The following TSPYL5 variants were observed in gnomAD, a reference collection of about 807,000 sequenced individuals.
TSPYL5 encodes the protein testis-specific Y-encoded-like protein 5.
For synonymous variants in TSPYL5, 276 were observed against 236.1 expected (o/e 1.17, Z -1.55); for missense variants, 556 against 555.5 (o/e 1.00, Z -0.01).
rs1810536515 is a variant in TSPYL5, at chr8:97,277,182, C to T, written c.663G>A (p.Arg221=). 6.2e-7 allele frequency: 1 copy of T among 1,612,154 alleles called. No homozygotes were observed. Among genetic ancestry groups the T allele is most frequent in the Admixed American group, 1.7e-5 (1 of 60,006 alleles). Residue 221 remains arginine, a synonymous_variant, in exon 1 of 1, where the codon AGG becomes AGA. Coordinates refer to ENST00000322128, the MANE Select transcript of TSPYL5 (RefSeq NM_033512.3). The surrounding 1 kb of genome is among the most constrained non-coding windows in gnomAD (Gnocchi z 4.5). ...ACTTCCTGGAGAGCCGAAGGTAGGC[C>T]CTGTCCGCCTGGGCGTTCATGTTCT... ...KLENMNAQAD[R]AYLRLSRKFG...
chr8:97,274,393 A>T lies in TSPYL5; in HGVS notation c.*2198T>A, dbSNP rs1327068330. On this transcript the variant is annotated 3_prime_UTR_variant, in exon 1 of 1. Coordinates refer to ENST00000322128, the MANE Select transcript of TSPYL5 (RefSeq NM_033512.3). ...AACAAAAAAATAAAGCATCCAAAGT[A>T]ACATTATTCCGTTTCTGGTTTGTCT... 6.6e-6 allele frequency: 1 copy of T among 152,212 alleles called. No individual in the cohort carries two copies. The highest frequency in any genetic ancestry group is 2.4e-5 in the African/African-American group (1 of 41,456). The allele number at this position is 152,212 out of a possible 1,614,324, so 9.4% of individuals were successfully genotyped here. A position where few individuals can be genotyped will look rare whatever the true frequency, so the allele number is the denominator to read the frequency against.
rs2130736475 is a variant in TSPYL5, at chr8:97,276,859, T to C, written c.986A>G (p.Gln329Arg). 6.2e-7 allele frequency: 1 copy of C among 1,614,180 alleles called. No homozygotes were observed. Among genetic ancestry groups the C allele is most frequent in the Non-Finnish European group, 8.5e-7 (1 of 1,180,034 alleles). ...GQVVSRSTPIQWLPGHDLQSL... is the reference protein window; with the variant it reads ...GQVVSRSTPIRWLPGHDLQSL... ...CTGGAGATCATGCCCTGGGAGCCAC[T>C]GGATTGGAGTAGAACGAGACACCAC... Residue 329 changes from glutamine to arginine, a missense_variant, in exon 1 of 1, where the codon CAG (glutamine) becomes CGG (arginine). Coordinates refer to ENST00000322128, the MANE Select transcript of TSPYL5 (RefSeq NM_033512.3).
rs1246989300 is a variant in TSPYL5, at chr8:97,274,861, T to C, written c.*1730A>G. 1 of 152,274 alleles carries C rather than the reference T, an allele frequency of 6.6e-6. No homozygotes were observed. Among genetic ancestry groups the C allele is most frequent in the African/African-American group, 2.4e-5 (1 of 41,426 alleles). 9.4% of individuals were successfully genotyped at this position (152,274 alleles called of 1,614,324 possible). On this transcript the variant is annotated 3_prime_UTR_variant, in exon 1 of 1. Coordinates refer to ENST00000322128, the MANE Select transcript of TSPYL5 (RefSeq NM_033512.3). ...AAATAACCCGGAGATCCAAAACAGATTCTGCCCATCCCAATCCCCATCCCC... is the reference window on the plus strand; with the variant it reads ...AAATAACCCGGAGATCCAAAACAGACTCTGCCCATCCCAATCCCCATCCCC...
chr8:97,276,475 C>T lies in TSPYL5; in HGVS notation c.*116G>A, dbSNP rs1810516625. 1 of 1,312,880 alleles carries T rather than the reference C, an allele frequency of 7.6e-7. No homozygotes were observed. The highest frequency in any genetic ancestry group is 1.1e-6 in the Non-Finnish European group (1 of 949,874). The allele number at this position is 1,312,880 out of a possible 1,614,324, so 81.3% of individuals were successfully genotyped here. On this transcript the variant is annotated 3_prime_UTR_variant, in exon 1 of 1. Coordinates refer to ENST00000322128, the MANE Select transcript of TSPYL5 (RefSeq NM_033512.3). ...GATCATAAATGCCATATTCTTGTAA[C>T]TAAAGTCCAAAGGGTCTATAGTACA...
Position 97,274,591 on chromosome 8 carries a change from C to T in TSPYL5, c.*2000G>A, listed in dbSNP as rs2130734275. On this transcript the variant is annotated 3_prime_UTR_variant, in exon 1 of 1. Coordinates refer to ENST00000322128, the MANE Select transcript of TSPYL5 (RefSeq NM_033512.3). The stretch of plus-strand genomic sequence containing the variant: ...ATGCTCCCCCTGCGGCTTCTCAAGC[C>T]ATTTCTGTCTGATTTTGCAGGCCCA... 6.6e-6 allele frequency: 1 copy of T among 151,086 alleles called. No homozygotes were observed. The highest frequency in any genetic ancestry group is 6.6e-5 in the Admixed American group (1 of 15,136). 9.4% of individuals were successfully genotyped at this position (151,086 alleles called of 1,614,324 possible). A position where few individuals can be genotyped will look rare whatever the true frequency, so the allele number is the denominator to read the frequency against.
Position 97,277,605 on chromosome 8 carries a change from C to A in TSPYL5, c.240G>T (p.Arg80=). 2.1e-6 allele frequency: 3 copies of A among 1,431,340 alleles called. No individual in the cohort carries two copies. The highest frequency in any genetic ancestry group is 9.1e-7 in the Non-Finnish European group (1 of 1,094,522). 88.7% of individuals were successfully genotyped at this position (1,431,340 alleles called of 1,614,324 possible). A position where few individuals can be genotyped will look rare whatever the true frequency, so the allele number is the denominator to read the frequency against. ...GCGCGAGGCCACAGTCCAGGGGGAG[C>A]CGGCAGGCGGCCTCCTCCCCGAGCC... ...LLRLGEEAAC[R]LPLDCGLALR... Residue 80 remains arginine, a synonymous_variant, in exon 1 of 1, where the codon CGG becomes CGT. Coordinates refer to ENST00000322128, the MANE Select transcript of TSPYL5 (RefSeq NM_033512.3). This position sits in a 1 kb window ranked among gnomAD's most constrained non-coding sequence, Gnocchi z 4.5.
In TSPYL5 at chr8:97,277,358, T is replaced by G; in HGVS notation, c.487A>C (p.Ile163Leu). 1 of 1,607,440 alleles carries G rather than the reference T, an allele frequency of 6.2e-7. No homozygotes were observed. ...CSTAGRGPQV[I>L]AGGRQKKGAA... is the part of the protein sequence containing the mutation. ...CCTTTCTTCTGCCTCCCACCAGCTA[T>G]GACCTGAGGCCCCCTCCCCGCGGTG... Residue 163 changes from isoleucine (I) to leucine (L), a missense_variant, in exon 1 of 1, where the codon ATA (isoleucine) becomes CTA (leucine). By Grantham distance (5) the Ile-to-Leu change is conservative. Transcript: ENST00000322128. The surrounding 1 kb of genome is among the most constrained non-coding windows in gnomAD (Gnocchi z 4.5).
At position 97,276,551 on chromosome 8, in the gene TSPYL5, G is replaced by C. The variant is rs1332724704; in HGVS notation, c.*40C>G. 1.3e-6 allele frequency: 2 copies of C among 1,584,918 alleles called. No homozygotes were observed. The highest frequency in any genetic ancestry group is 1.7e-6 in the Non-Finnish European group (2 of 1,166,868). On this transcript the variant is annotated 3_prime_UTR_variant, in exon 1 of 1. Coordinates refer to ENST00000322128, the MANE Select transcript of TSPYL5 (RefSeq NM_033512.3). ...GAGAGCCAAATATGTAGTCAACCAG[G>C]AGCAGCCCAGCAGGAGGTAGCAGGG... is the stretch of plus-strand genomic sequence containing the variant.
Position 97,275,303 on chromosome 8 carries a change from T to C in TSPYL5, c.*1288A>G, listed in dbSNP as rs1339451809. The C allele has an allele frequency of 6.6e-6, 1 of 151,938 alleles. No individual in the cohort carries two copies. Among genetic ancestry groups the C allele is most frequent in the Non-Finnish European group, 1.5e-5 (1 of 68,020 alleles). The allele number at this position is 151,938 out of a possible 1,614,324, so 9.4% of individuals were successfully genotyped here. On this transcript the variant is annotated 3_prime_UTR_variant, in exon 1 of 1. Coordinates refer to ENST00000322128, the MANE Select transcript of TSPYL5 (RefSeq NM_033512.3). ...TCTCAGCTACCTCCCCAGCTGTATG[T>C]AGAAAAATGTGGTTTTTCAGTTGTT...
At position 97,274,095 on chromosome 8, in the gene TSPYL5, G is replaced by A. The variant is rs560287651; in HGVS notation, c.*2496C>T. 6.6e-6 allele frequency: 1 copy of A among 152,116 alleles called. No individual in the cohort carries two copies. Among genetic ancestry groups the A allele is most frequent in the South Asian group, 2.1e-4 (1 of 4,826 alleles). The allele number at this position is 152,116 out of a possible 1,614,324, so 9.4% of individuals were successfully genotyped here. ...TCAATAAACAATACAGGTGAAAAGA[G>A]AGAGATACAGATGAAACCAGGTTGA... On this transcript the variant is annotated 3_prime_UTR_variant, in exon 1 of 1. Coordinates refer to ENST00000322128, the MANE Select transcript of TSPYL5 (RefSeq NM_033512.3).
Position 97,277,400 on chromosome 8 carries a change from C to T in TSPYL5, c.445G>A (p.Ala149Thr). The change falls in exon 1 of 1, where the codon GCC becomes ACC. Residue 149 changes from alanine to threonine, a missense_variant. Ala to Thr is a moderately conservative substitution (Grantham distance 58, BLOSUM62 0). Transcript: ENST00000322128. This position sits in a 1 kb window ranked among gnomAD's most constrained non-coding sequence, Gnocchi z 4.5. ...GNRRGPAGKK[A>T]PETCSTAGRG... ...CCCGCGGTGCTACAGGTTTCTGGGG[C>T]CTTCTTCCCGGCAGGGCCACGCCGG... 6.3e-7 allele frequency: 1 copy of T among 1,582,156 alleles called. No homozygotes were observed. Among genetic ancestry groups the T allele is most frequent in the Non-Finnish European group, 8.6e-7 (1 of 1,166,192 alleles).
Position 97,277,923 on chromosome 8 carries a change from G to A in TSPYL5, c.-79C>T, listed in dbSNP as rs1267815551. ...CCAGCTCTCGGTCGGGACCGAGCGGGTCTCTCCACGGCAACCGCCGACGTC... is the reference window on the plus strand; with the variant it reads ...CCAGCTCTCGGTCGGGACCGAGCGGATCTCTCCACGGCAACCGCCGACGTC... On this transcript the variant is annotated 5_prime_UTR_variant, in exon 1 of 1. Coordinates refer to ENST00000322128, the MANE Select transcript of TSPYL5 (RefSeq NM_033512.3). This position sits in a 1 kb window ranked among gnomAD's most constrained non-coding sequence, Gnocchi z 4.5. 17 of 1,293,104 alleles carry A rather than the reference G, an allele frequency of 1.3e-5. No homozygotes were observed. Among genetic ancestry groups the A allele is most frequent in the South Asian group, 6.9e-5 (3 of 43,300 alleles). 80.1% of individuals were successfully genotyped at this position (1,293,104 alleles called of 1,614,324 possible).
rs779061073 is a variant in TSPYL5 at position 97,274,619 on chromosome 8, C to T, written c.*1972G>A. On this transcript the variant is annotated 3_prime_UTR_variant, in exon 1 of 1. Coordinates refer to ENST00000322128, the MANE Select transcript of TSPYL5 (RefSeq NM_033512.3). ...TTCTGTCTGATTTTGCAGGCCCACT[C>T]CATACCAGTATCATGCCTACTCGAC... is the stretch of plus-strand genomic sequence containing the variant. The T allele has an allele frequency of 1.3e-5, 2 of 152,248 alleles. No homozygotes were observed. Among genetic ancestry groups the T allele is most frequent in the Non-Finnish European group, 2.9e-5 (2 of 68,098 alleles). The allele number at this position is 152,248 out of a possible 1,614,324, so 9.4% of individuals were successfully genotyped here.
chr8:97,276,387 G>A lies in TSPYL5; in HGVS notation c.*204C>T. The A allele has an allele frequency of 1.5e-6, 1 of 653,316 alleles. No homozygotes were observed. The highest frequency in any genetic ancestry group is 2.7e-6 in the Non-Finnish European group (1 of 375,340). The allele number at this position is 653,316 out of a possible 1,614,324, so 40.5% of individuals were successfully genotyped here. On this transcript the variant is annotated 3_prime_UTR_variant, in exon 1 of 1. Transcript: ENST00000322128. ...TGCTTAACATATGAACAGTCCGGGT[G>A]CGATCACATAACATGTGACACTAAC...
In TSPYL5 at chr8:97,273,745, C is replaced by T. The variant is rs1258606998; in HGVS notation, c.*2846G>A. On this transcript the variant is annotated 3_prime_UTR_variant, in exon 1 of 1. Transcript: ENST00000322128. The stretch of plus-strand genomic sequence containing the variant: ...TGGTCACACAAGTTTCCATGTTACA[C>T]AGAAAAAAAGATTGACATTCTGGTG... The T allele has an allele frequency of 6.6e-6, 1 of 152,504 alleles. No homozygotes were observed. Among genetic ancestry groups the T allele is most frequent in the African/African-American group, 2.4e-5 (1 of 41,420 alleles). 9.4% of individuals were successfully genotyped at this position (152,504 alleles called of 1,614,324 possible).
rs1810492603 is a variant in TSPYL5 at position 97,275,100 on chromosome 8, T to C, written c.*1491A>G. 6.6e-6 allele frequency: 1 copy of C among 152,252 alleles called. No individual in the cohort carries two copies. The highest frequency in any genetic ancestry group is 6.5e-5 in the Admixed American group (1 of 15,284). The allele number at this position is 152,252 out of a possible 1,614,324, so 9.4% of individuals were successfully genotyped here. ...GTCAAAACAAGAGTAAACACTAGTC[T>C]ATGACATGGCTGCCTTGGGGTTTAT... On this transcript the variant is annotated 3_prime_UTR_variant, in exon 1 of 1. Transcript: ENST00000322128.
chr8:97,277,857 G>C lies in TSPYL5; in HGVS notation c.-13C>G. ...TTCGGCCGCTCATGGTGGCGGCGGA[G>C]GCAGCTTCAAAGACACGCTGTGACC... On this transcript the variant is annotated 5_prime_UTR_variant, in exon 1 of 1. Transcript: ENST00000322128. The surrounding 1 kb of genome is among the most constrained non-coding windows in gnomAD (Gnocchi z 4.5). 7.0e-7 allele frequency: 1 copy of C among 1,428,686 alleles called. No homozygotes were observed. The highest frequency in any genetic ancestry group is 9.1e-7 in the Non-Finnish European group (1 of 1,094,364). The allele number at this position is 1,428,686 out of a possible 1,614,324, so 88.5% of individuals were successfully genotyped here.
rs1461277884 is a variant in TSPYL5, at chr8:97,277,910, C to T, written c.-66G>A. Reference sequence around the variant, plus strand: ...GCGGCTCCTGACGCCAGCTCTCGGTCGGGACCGAGCGGGTCTCTCCACGGC... The same window carrying T: ...GCGGCTCCTGACGCCAGCTCTCGGTTGGGACCGAGCGGGTCTCTCCACGGC... On this transcript the variant is annotated 5_prime_UTR_variant, in exon 1 of 1. Coordinates refer to ENST00000322128, the MANE Select transcript of TSPYL5 (RefSeq NM_033512.3). The surrounding 1 kb of genome is among the most constrained non-coding windows in gnomAD (Gnocchi z 4.5). 1 of 1,315,394 alleles carries T rather than the reference C, an allele frequency of 7.6e-7. No individual in the cohort carries two copies. Among genetic ancestry groups the T allele is most frequent in the African/African-American group, 1.5e-5 (1 of 65,150 alleles). The allele number at this position is 1,315,394 out of a possible 1,614,324, so 81.5% of individuals were successfully genotyped here.
Position 97,276,337 on chromosome 8 carries a change from A to C in TSPYL5, c.*254T>G, listed in dbSNP as rs959686614. ...ACAAGGTCCAGGCAATGTAGATAAC[A>C]GGGAGCACACATCTAAAGTATGTGT... On this transcript the variant is annotated 3_prime_UTR_variant, in exon 1 of 1. Coordinates refer to ENST00000322128, the MANE Select transcript of TSPYL5 (RefSeq NM_033512.3). The C allele has an allele frequency of 5.2e-5, 23 of 444,330 alleles. No individual in the cohort carries two copies. Among genetic ancestry groups the C allele is most frequent in the Admixed American group, 7.9e-5 (2 of 25,244 alleles). 27.5% of individuals were successfully genotyped at this position (444,330 alleles called of 1,614,324 possible). A position where few individuals can be genotyped will look rare whatever the true frequency, so the allele number is the denominator to read the frequency against.
Sources: gnomAD v4.1 joint callset for allele counts on GRCh38, gnomAD v4.1.1 for gene constraint, Gnocchi (gnomAD v3.1) non-coding constraint, MANE v1.5 for transcripts, NCBI Gene and HGNC (gene_info 2026-07-23, HGNC 2026-07-21) for gene names.